Variants in AUTS2 observed in about 807,000 individuals in gnomAD.
AUTS2 encodes the protein activator of transcription and developmental regulator AUTS2, also known as autism susceptibility gene 2 protein.
In AUTS2, 17 loss-of-function variants were observed where a neutral mutation model predicts 112.4. That is an observed-to-expected ratio of 0.15 (90% CI 0.10 to 0.23). The LOEUF (loss-of-function observed/expected upper bound fraction) is 0.23, where lower values mean the gene tolerates loss of function less well. Ranked by LOEUF, AUTS2 falls within the 10% of genes least tolerant of loss-of-function variation. The pLI, the probability that AUTS2 is intolerant of heterozygous loss-of-function variation, is 1.00. For synonymous variants in AUTS2, 751 were observed against 702.7 expected (o/e 1.07, Z -1.09); for missense variants, 1,510 against 1,701.6 (o/e 0.89, Z 1.98).
At chr7:69,881,476 G>T (rs576172000) in intron 1 of AUTS2, among the ~76,000 whole-genome samples, 1 of 151,950 alleles carries the variant, frequency 6.6e-6, no homozygotes, top group South Asian at 2.1e-4. Context: ...TTTTCTTTTT[G>T]GAAATGGACA....
chr7:69,707,073 CCTTAA>C (rs764836819), intron 1 of AUTS2, among the ~76,000 whole-genome samples: 6 of 152,170 alleles, frequency 3.9e-5, no homozygotes, highest in Non-Finnish European at 7.3e-5. Flanking sequence ...CTGAATTACT[CCTTAA>C]CTTGAGACCT....
At chr7:70,395,910 A>T (rs367582473) in intron 4 of AUTS2, among the ~76,000 whole-genome samples, 3 of 152,300 alleles carry the variant, frequency 2.0e-5, no homozygotes, top group Admixed American at 1.3e-4. Context: ...ATTGCTGTTT[A>T]CCGTCAAGCC....
intron 5 of AUTS2, among the ~76,000 whole-genome samples, chr7:70,572,529 A>G (rs894590509): frequency 6.6e-6 from 1 of 152,148 alleles, no homozygotes; most frequent in African/African-American, 2.4e-5. Context: ...ATATTCTTAG[A>G]CATAATAAAG....
At chr7:70,728,524 C>T (rs765468070) in intron 6 of AUTS2, among the ~76,000 whole-genome samples, 33 of 151,966 alleles carry the variant, frequency 2.2e-4, no homozygotes, top group Non-Finnish European at 4.7e-4. Flanking sequence ...ACCTGGCCAA[C>T]ATGACGAAAC....
At chr7:70,347,748 C>A (rs1443429893) in intron 4 of AUTS2, among the ~76,000 whole-genome samples, 1 of 152,156 alleles carries the variant, frequency 6.6e-6, no homozygotes, top group Non-Finnish European at 1.5e-5. Context: ...TTCTGCAGGG[C>A]TTTGCACAGT....
At chr7:70,702,073 G>T (rs1030154254) in intron 6 of AUTS2, among the ~76,000 whole-genome samples, 7 of 152,126 alleles carry the variant, frequency 4.6e-5, no homozygotes, top group Non-Finnish European at 8.8e-5. Flanking sequence ...TCACCAGTTT[G>T]GTCTGTAGAC....
intron 5 of AUTS2, among the ~76,000 whole-genome samples, chr7:70,664,555 G>T (rs191783494): frequency 1.3e-5 from 2 of 152,222 alleles, no homozygotes; most frequent in East Asian, 1.9e-4. Flanking sequence ...TTTACTAAGG[G>T]TATATTTGTG....
intron 4 of AUTS2, among the ~76,000 whole-genome samples, chr7:70,399,013 G>T (rs1374535288): frequency 6.7e-6 from 1 of 148,354 alleles, no homozygotes; most frequent in African/African-American, 2.5e-5. Context: ...TTGAGACAGG[G>T]TCTTGCTCTG....
chr7:70,788,820 TCTC>T (rs1459133485), intron 18 of AUTS2, among the ~76,000 whole-genome samples: 10 of 152,254 alleles, frequency 6.6e-5, no homozygotes, highest in East Asian at 5.8e-4. Context: ...AGCCTGCTGC[TCTC>T]CTCAACTTTG....
chr7:70,055,576 T>C (rs1187594727), intron 2 of AUTS2, among the ~76,000 whole-genome samples: 1 of 152,272 alleles, frequency 6.6e-6, no homozygotes, highest in East Asian at 1.9e-4. Flanking sequence ...ACCAACATGC[T>C]GTGGACCTTT....
intron 4 of AUTS2, among the ~76,000 whole-genome samples, chr7:70,294,928 T>C (rs1363800105): frequency 6.6e-6 from 1 of 152,152 alleles, no homozygotes; most frequent in African/African-American, 2.4e-5. Flanking sequence ...TATCTTCCAT[T>C]ATAGATCATG....
At chr7:70,129,779 T>C (rs574932315) in intron 3 of AUTS2, among the ~76,000 whole-genome samples, 27 of 152,172 alleles carry the variant, frequency 1.8e-4, no homozygotes, top group Non-Finnish European at 3.1e-4. Flanking sequence ...GTTGAATAAT[T>C]GGTGTTGGAA....
chr7:69,942,532 AC>A (rs1796665459), intron 2 of AUTS2, among the ~76,000 whole-genome samples: 2 of 152,084 alleles, frequency 1.3e-5, no homozygotes, highest in African/African-American at 4.8e-5. Flanking sequence ...ATCTATGGTG[AC>A]TTTTTTTTCT....
intron 1 of AUTS2, among the ~76,000 whole-genome samples, chr7:69,867,765 G>C (rs1321939134): frequency 6.6e-6 from 1 of 152,022 alleles, no homozygotes; most frequent in East Asian, 1.9e-4. Context: ...GTTTCATAAT[G>C]TGTCACCCTC....
intron 4 of AUTS2, among the ~76,000 whole-genome samples, chr7:70,420,923 G>A (rs1795191548): frequency 6.6e-6 from 1 of 152,104 alleles, no homozygotes; most frequent in Admixed American, 6.5e-5. Context: ...ACCAATGTCA[G>A]TTATATCTCA....
At chr7:70,738,932 GACA>G (rs1787930644) in intron 6 of AUTS2, among the ~76,000 whole-genome samples, 1 of 144,682 alleles carries the variant, frequency 6.9e-6, no homozygotes, top group African/African-American at 2.5e-5. Context: ...CCACTTTGTA[GACA>G]ACACATCTAC....
At chr7:69,631,506 C>T (rs1047948092) in intron 1 of AUTS2, among the ~76,000 whole-genome samples, 1 of 152,200 alleles carries the variant, frequency 6.6e-6, no homozygotes, top group Non-Finnish European at 1.5e-5. Flanking sequence ...GACAGCCAAA[C>T]AGCCTGGTGG....
At chr7:70,339,857 CTGTG>C (rs918527209) in intron 4 of AUTS2, among the ~76,000 whole-genome samples, 6 of 152,082 alleles carry the variant, frequency 3.9e-5, no homozygotes, top group Non-Finnish European at 1.5e-5. Flanking sequence ...ACACTCATTT[CTGTG>C]TTAGATTAGT....
chr7:69,954,264 A>C (rs1314512025), intron 2 of AUTS2, among the ~76,000 whole-genome samples: 1 of 152,046 alleles, frequency 6.6e-6, no homozygotes, highest in Non-Finnish European at 1.5e-5. Flanking sequence ...AATATTATAT[A>C]CTCAAACCCA....
Sources: gnomAD v4.1 joint callset for allele counts (sites outside exome capture counted in the v4.1 genomes callset) on GRCh38, gnomAD v4.1.1 for gene constraint, MANE v1.5 for transcripts, NCBI Gene and HGNC (gene_info 2026-07-23, HGNC 2026-07-21) for gene names.